Variants in RAB31 observed in about 807,000 individuals in gnomAD.
The protein encoded by RAB31 is RAB31, member RAS oncogene family, also known as ras-related protein Rab-31.
In RAB31, 21 loss-of-function variants were observed where a neutral mutation model predicts 25.6. The observed-to-expected ratio is 0.82, with a 90% CI of 0.58 to 1.18. RAB31 has a LOEUF of 1.18. Among genes scored for constraint, RAB31 ranks in the 50% most tolerant of loss-of-function variants. The pLI, the probability that RAB31 is intolerant of heterozygous loss-of-function variation, is 0.00. For synonymous variants in RAB31, 87 were observed against 84.0 expected, an observed-to-expected ratio of 1.04 and a Z score of -0.20; for missense variants, 196 against 250.1, an observed-to-expected ratio of 0.78 and a Z score of 1.46.
At chr18:9,845,300 C>T (rs1203073674) in intron 5 of RAB31, among the ~76,000 whole-genome samples, 1 of 152,186 alleles carries the variant, frequency 6.6e-6, no homozygotes, top group Non-Finnish European at 1.5e-5. Flanking sequence ...GAAATGTGTA[C>T]TGCCATATTT....
chr18:9,837,427 C>T (rs1276776495), intron 5 of RAB31, among the ~76,000 whole-genome samples: 3 of 152,026 alleles, frequency 2.0e-5, no homozygotes, highest in East Asian at 1.9e-4. Context: ...ATTATTTAAT[C>T]GTGATACAAA....
intron 2 of RAB31, among the ~76,000 whole-genome samples, chr18:9,781,990 C>A (rs533811870): frequency 1.9e-4 from 29 of 152,272 alleles, no homozygotes; most frequent in Admixed American, 1.2e-3. Flanking sequence ...GAGACTGGCA[C>A]GTAATAAACT....
In RAB31 at chr18:9,821,401, T is replaced by C. The variant is rs1682919690; in HGVS notation, c.380+6179T>C. Among the ~76,000 whole-genome samples the C allele has an allele frequency of 3.9e-5, 6 of 152,136 alleles. No individual in the cohort carries two copies. The South Asian group carries it at 1.2e-3, about 31-fold the overall frequency. On this transcript the variant is annotated intron_variant, in intron 5 of 6. Transcript: ENST00000578921. Reference sequence around the variant, plus strand: ...ACAAGTGTGTCTAACTAGAGTTTAATTATATTTTGTCTTTATCATATTTAT... The same window carrying C: ...ACAAGTGTGTCTAACTAGAGTTTAACTATATTTTGTCTTTATCATATTTAT...
intron 1 of RAB31, among the ~76,000 whole-genome samples, chr18:9,755,870 A>G (rs1475910703): frequency 1.3e-5 from 2 of 152,240 alleles, no homozygotes; most frequent in Non-Finnish European, 2.9e-5. Context: ...AGAGGCTGCA[A>G]TGTGGCGTGG....
intron 5 of RAB31, among the ~76,000 whole-genome samples, chr18:9,826,974 A>G (rs777575960): frequency 2.6e-5 from 4 of 152,164 alleles, no homozygotes; most frequent in Non-Finnish European, 5.9e-5. Flanking sequence ...TATAGCTGCC[A>G]TAATAAGTCA....
chr18:9,769,925 G>C, intron 1 of RAB31, among the ~76,000 whole-genome samples: 1 of 152,148 alleles, frequency 6.6e-6, no homozygotes, highest in East Asian at 1.9e-4. Flanking sequence ...GGCCTTTTCT[G>C]CATCTATTGA....
chr18:9,766,855 G>T lies in RAB31; in HGVS notation c.40-8423G>T, dbSNP rs1568173700. Among the ~76,000 whole-genome samples, 2 of 152,124 alleles carry T rather than the reference G, an allele frequency of 1.3e-5. No homozygotes were observed. The highest frequency in any genetic ancestry group is 6.5e-5 in the Admixed American group (1 of 15,268). On this transcript the variant is annotated intron_variant, in intron 1 of 6. Coordinates refer to ENST00000578921, the MANE Select transcript of RAB31 (RefSeq NM_006868.4). The surrounding 1 kb of genome is among the most constrained non-coding windows in gnomAD (Gnocchi z 4.3). The stretch of plus-strand genomic sequence containing the variant: ...ACCTGTAGTCTTAGCTACTTGGGAG[G>T]GTGAGACAGGAGGATTTCTTGAGCC...
chr18:9,745,459 C>T (rs2068200929), intron 1 of RAB31, among the ~76,000 whole-genome samples: 2 of 152,184 alleles, frequency 1.3e-5, no homozygotes, highest in Admixed American at 6.5e-5. Context: ...CAGCATTATA[C>T]TGATGAAGCC....
At chr18:9,831,220 C>T (rs535977651) in intron 5 of RAB31, among the ~76,000 whole-genome samples, 89 of 152,256 alleles carry the variant, frequency 5.8e-4, no homozygotes, top group Non-Finnish European at 9.4e-4. Flanking sequence ...GGAGACTGGG[C>T]TTATGTTGTA....
At chr18:9,782,281 C>T (rs537929494) in intron 2 of RAB31, among the ~76,000 whole-genome samples, 3 of 152,324 alleles carry the variant, frequency 2.0e-5, no homozygotes, top group Non-Finnish European at 2.9e-5. Flanking sequence ...AGGCCCAGGG[C>T]GGTTAGGGGA....
intron 1 of RAB31, among the ~76,000 whole-genome samples, chr18:9,738,442 A>T (rs149941215): frequency 1.3e-5 from 2 of 152,246 alleles, no homozygotes; most frequent in Non-Finnish European, 2.9e-5. Flanking sequence ...GGTTGAGTTG[A>T]TCACCAGTGG....
intron 2 of RAB31, among the ~76,000 whole-genome samples, chr18:9,780,190 A>G (rs1316056529): frequency 6.6e-6 from 1 of 151,922 alleles, no homozygotes; most frequent in African/African-American, 2.4e-5. Flanking sequence ...AAAAAAAAAA[A>G]AGTTCATGTT....
At chr18:9,711,014 T>TGTGG (rs1599006599) in intron 1 of RAB31, among the ~76,000 whole-genome samples, 2 of 151,854 alleles carry the variant, frequency 1.3e-5, no homozygotes, top group East Asian at 3.9e-4. Flanking sequence ...CCACACTGAG[T>TGTGG]AAGATTTGCC....
chr18:9,826,931 C>A (rs910676994), intron 5 of RAB31, among the ~76,000 whole-genome samples: 1 of 152,180 alleles, frequency 6.6e-6, no homozygotes, highest in African/African-American at 2.4e-5. Flanking sequence ...CACTCCCTCA[C>A]ACTTCCTCTG....
intron 2 of RAB31, among the ~76,000 whole-genome samples, chr18:9,776,702 A>T (rs1227406927): frequency 6.6e-6 from 1 of 152,168 alleles, no homozygotes. Context: ...CAGAGTATTC[A>T]CAAAATAGGG....
chr18:9,763,094 A>G, intron 1 of RAB31, among the ~76,000 whole-genome samples: 1 of 152,150 alleles, frequency 6.6e-6, no homozygotes, highest in South Asian at 2.1e-4. Flanking sequence ...TATTAGGAAC[A>G]GTTTCTTTAG....
Position 9,811,963 on chromosome 18 carries a change from C to G in RAB31, c.202-2057C>G, listed in dbSNP as rs565713617. 9.8e-4 allele frequency among the ~76,000 whole-genome samples: 149 copies of G among 152,304 alleles called. 1 individual carries two copies. The highest frequency in any genetic ancestry group is 9.3e-4 in the Non-Finnish European group (63 of 68,022). ...TGGCTTAAACAACACACGTTGATTTCTTACCATTTGGGAGCTGGGAAGTCC... is the reference window on the plus strand; with the variant it reads ...TGGCTTAAACAACACACGTTGATTTGTTACCATTTGGGAGCTGGGAAGTCC... On this transcript the variant is annotated intron_variant, in intron 3 of 6. Transcript: ENST00000578921.
intron 1 of RAB31, among the ~76,000 whole-genome samples, chr18:9,735,822 C>A (rs1321681033): frequency 6.6e-6 from 1 of 152,150 alleles, no homozygotes; most frequent in East Asian, 1.9e-4. Context: ...AAATCAGTAA[C>A]ATCTTCTTTG....
chr18:9,756,324 A>G (rs1354669465), intron 1 of RAB31, among the ~76,000 whole-genome samples: 1 of 152,352 alleles, frequency 6.6e-6, no homozygotes, highest in South Asian at 2.1e-4. Flanking sequence ...GAGTCAGGAA[A>G]GCAGGTAAGT....
Sources: gnomAD v4.1 joint callset for allele counts (sites outside exome capture counted in the v4.1 genomes callset) on GRCh38, gnomAD v4.1.1 for gene constraint, Gnocchi (gnomAD v3.1) non-coding constraint, MANE v1.5 for transcripts, NCBI Gene and HGNC (gene_info 2026-07-23, HGNC 2026-07-21) for gene names.